The following SLC12A3 variants were observed in gnomAD, a reference collection of about 807,000 sequenced individuals.
SLC12A3 encodes the protein Na-Cl cotransporter.
Under a neutral mutation model 121.0 loss-of-function variants are expected in SLC12A3, and 104 were observed. That is an observed-to-expected ratio of 0.86 (90% CI 0.73 to 1.01). The LOEUF (loss-of-function observed/expected upper bound fraction) is 1.01, where lower values mean the gene tolerates loss of function less well. SLC12A3 is among the 50% of genes least tolerant of loss of function. The pLI, the probability that SLC12A3 is intolerant of heterozygous loss-of-function variation, is 0.00. For synonymous variants in SLC12A3, 536 were observed against 533.4 expected, an observed-to-expected ratio of 1.00 and a Z score of -0.07; for missense variants, 1,328 against 1,356.3, an observed-to-expected ratio of 0.98 and a Z score of 0.33.
rs879767147 is a variant in SLC12A3 at position 56,911,568 on chromosome 16, G to A, written c.2925-1696G>A. Among the ~76,000 whole-genome samples, 10 of 152,220 alleles carry A rather than the reference G, an allele frequency of 6.6e-5. No individual in the cohort carries two copies. The South Asian group carries it at 1.9e-3, about 28-fold the overall frequency. ...TCAAACTCCTGGGCTCAAGTGATCT[G>A]CCCACCTCGGCCTCCCAAAGTGCTG... On this transcript the variant is annotated intron_variant, in intron 25 of 25. Transcript: ENST00000563236.
chr16:56,872,785 A>G lies in SLC12A3; in HGVS notation c.1094A>G (p.Lys365Arg), dbSNP rs775818683. ...LAGANISGDL[K>R]DPAIAIPKGT... ...GGGGCCAACATATCTGGTGACCTCA[A>G]GGTGAGCAGAATACTTGCCCCTCCT... The change falls in exon 8 of 26, where the codon AAG becomes AGG. Residue 365 changes from lysine to arginine, a missense_variant and splice_region_variant. By Grantham distance (26) the Lys-to-Arg change is conservative. Transcript: ENST00000563236. The G allele has an allele frequency of 1.2e-6, 2 of 1,614,208 alleles. No homozygotes were observed. Among genetic ancestry groups the G allele is most frequent in the Non-Finnish European group, 8.5e-7 (1 of 1,180,036 alleles).
intron 1 of SLC12A3, among the ~76,000 whole-genome samples, chr16:56,866,574 G>C (rs1043805753): frequency 2.0e-5 from 3 of 152,172 alleles, no homozygotes; most frequent in African/African-American, 4.8e-5. Context: ...TACAAGGCTA[G>C]GCAACTGCCT....
chr16:56,895,192 A>ATTTTT (rs34438029), intron 22 of SLC12A3, among the ~76,000 whole-genome samples: 11,837 of 126,444 alleles, frequency 0.094, 773 homozygotes, highest in Non-Finnish European at 0.12. Context: ...ATATATTTTA[A>ATTTTT]TTTTTTTTTT....
intron 1 of SLC12A3, 126 bp from the exon 2 acceptor site, chr16:56,866,944 A>G (rs1302488664): frequency 1.6e-6 from 2 of 1,281,098 alleles, no homozygotes; most frequent in African/African-American, 1.5e-5. Context: ...GCAGCTCAAC[A>G]CCCAGTGGGC....
At chr16:56,873,281 C>T (rs1245053762) in intron 8 of SLC12A3, among the ~76,000 whole-genome samples, 2 of 152,170 alleles carry the variant, frequency 1.3e-5, no homozygotes, top group Non-Finnish European at 2.9e-5. Context: ...TACCTCGTCC[C>T]TCCTCCACGC....
intron 9 of SLC12A3, among the ~76,000 whole-genome samples, chr16:56,878,369 A>T (rs2055193590): frequency 6.6e-6 from 1 of 152,110 alleles, no homozygotes; most frequent in Non-Finnish European, 1.5e-5. Context: ...GAGCATCTTC[A>T]TGGCAGTGGG....
chr16:56,908,834 A>C (rs1193608279), intron 25 of SLC12A3, among the ~76,000 whole-genome samples: 1 of 152,242 alleles, frequency 6.6e-6, no homozygotes, highest in Non-Finnish European at 1.5e-5. Context: ...GTCCGAGCGC[A>C]AGACAGTGGA....
intron 25 of SLC12A3, among the ~76,000 whole-genome samples, chr16:56,912,908 C>T (rs1321917305): frequency 2.6e-5 from 4 of 151,838 alleles, no homozygotes; most frequent in African/African-American, 9.7e-5. Flanking sequence ...GTGGGGAGAA[C>T]GTCAAGTGCA....
chr16:56,877,781 G>A (rs950349398), intron 8 of SLC12A3, among the ~76,000 whole-genome samples: 20 of 152,330 alleles, frequency 1.3e-4, no homozygotes, highest in Admixed American at 3.3e-4. Flanking sequence ...TGGCGCAGGC[G>A]TGGAGCTGTT....
chr16:56,879,069 T>G lies in SLC12A3; in HGVS notation c.1181-4T>G, dbSNP rs1394408906. 6.2e-7 allele frequency: 1 copy of G among 1,606,384 alleles called. No homozygotes were observed. On this transcript the variant is annotated splice_polypyrimidine_tract_variant and splice_region_variant and intron_variant, in intron 9 of 25. Coordinates refer to ENST00000563236, the MANE Select transcript of SLC12A3 (RefSeq NM_001126108.2). Reference sequence around the variant, plus strand: ...CCTCCCCATGCTCTCCTTCCTCCTCTCAGGCTCCTGCGTGGTGCGTGATGC... The same window carrying G: ...CCTCCCCATGCTCTCCTTCCTCCTCGCAGGCTCCTGCGTGGTGCGTGATGC...
intron 18 of SLC12A3, among the ~76,000 whole-genome samples, chr16:56,889,253 A>G (rs534486872): frequency 1.3e-5 from 2 of 152,360 alleles, no homozygotes; most frequent in South Asian, 2.1e-4. Context: ...AGCAACTGAT[A>G]GAATACCTGA....
At chr16:56,893,299 G>C (rs528564142) in intron 21 of SLC12A3, among the ~76,000 whole-genome samples, 1 of 152,354 alleles carries the variant, frequency 6.6e-6, no homozygotes, top group South Asian at 2.1e-4. Flanking sequence ...GGCCCTTAGG[G>C]GCACAGGCAG....
At chr16:56,870,883 G>A (rs1445241829) in intron 6 of SLC12A3, 147 bp downstream of exon 6, 3 of 602,036 alleles carry the variant, frequency 5.0e-6, no homozygotes, top group Non-Finnish European at 8.9e-6. Context: ...TGTCCATGCT[G>A]GAGTGCAGTG....
chr16:56,913,699 T>C lies in SLC12A3; in HGVS notation c.*294T>C. 3 of 433,504 alleles carry C rather than the reference T, an allele frequency of 6.9e-6. No individual in the cohort carries two copies. Among genetic ancestry groups the C allele is most frequent in the East Asian group, 9.9e-5 (2 of 20,138 alleles). 26.9% of individuals were successfully genotyped at this position (433,504 alleles called of 1,614,324 possible). ...GGATTTCTTTTGATTTTGATGACCA[T>C]TAATTAAGAGTTCAGTCTTTGATTT... On this transcript the variant is annotated 3_prime_UTR_variant, in exon 26 of 26. Coordinates refer to ENST00000563236, the MANE Select transcript of SLC12A3 (RefSeq NM_001126108.2).
chr16:56,909,738 T>C (rs1391414236), intron 25 of SLC12A3, among the ~76,000 whole-genome samples: 1 of 151,990 alleles, frequency 6.6e-6, no homozygotes, highest in Non-Finnish European at 1.5e-5. Flanking sequence ...AAAATGCAAG[T>C]TCCTCAGTGC....
At position 56,870,163 on chromosome 16, in the gene SLC12A3, C is replaced by T. The variant is rs779986569; in HGVS notation, c.669C>T (p.Phe223=). 2.0e-5 allele frequency: 33 copies of T among 1,613,964 alleles called. No individual in the cohort carries two copies. Among genetic ancestry groups the T allele is most frequent in the Non-Finnish European group, 2.5e-5 (30 of 1,180,048 alleles). ...PELGGSIGLI[F]AFANAVGVAM... is the part of the protein sequence containing the mutation. ...TTGGGGGCTCCATCGGCCTCATTTT[C>T]GCTTTCGCCAATGCCGTGGGTGTGG... Residue 223 remains phenylalanine (F), a synonymous_variant, in exon 5 of 26, where the codon TTC becomes TTT. Coordinates refer to ENST00000563236, the MANE Select transcript of SLC12A3 (RefSeq NM_001126108.2).
At position 56,879,184 on chromosome 16, in the gene SLC12A3, C is replaced by G. The variant is rs772962044; in HGVS notation, c.1292C>G (p.Thr431Ser). The change falls in exon 10 of 26, where the codon ACC (threonine) becomes AGC (serine). Residue 431 changes from threonine (T) to serine (S), a missense_variant. Transcript: ENST00000563236. ...TATGGCTGGAACTTCACCGAGTGCA[C>G]CCAGCAGCACAGCTGCCACTACGGC... is the stretch of plus-strand genomic sequence containing the variant. ...CSYGWNFTEC[T>S]QQHSCHYGLI... 4 of 1,613,218 alleles carry G rather than the reference C, an allele frequency of 2.5e-6. No individual in the cohort carries two copies. The highest frequency in any genetic ancestry group is 3.4e-6 in the Non-Finnish European group (4 of 1,180,020).
intron 24 of SLC12A3, among the ~76,000 whole-genome samples, chr16:56,902,779 T>C (rs2055556767): frequency 6.6e-6 from 1 of 152,052 alleles, no homozygotes; most frequent in African/African-American, 2.4e-5. Flanking sequence ...CTCCTCCTCC[T>C]CCTCCTCCTC....
chr16:56,902,038 C>G (rs1444557969), intron 23 of SLC12A3, among the ~76,000 whole-genome samples: 2 of 152,202 alleles, frequency 1.3e-5, no homozygotes, highest in Non-Finnish European at 1.5e-5. Flanking sequence ...TTGCTTATCA[C>G]CGTGGCTCTG....
Sources: gnomAD v4.1 joint callset for allele counts (sites outside exome capture counted in the v4.1 genomes callset) on GRCh38, gnomAD v4.1.1 for gene constraint, MANE v1.5 for transcripts, NCBI Gene and HGNC (gene_info 2026-07-23, HGNC 2026-07-21) for gene names.